The following STPG2 variants were observed in gnomAD, a reference collection of about 807,000 sequenced individuals.
The protein encoded by STPG2 is sperm-tail PG-rich repeat-containing protein 2.
A neutral mutation model predicts 54.2 loss-of-function variants in STPG2; 56 were observed. The observed-to-expected ratio is 1.03, with a 90% confidence interval of 0.83 to 1.29. The LOEUF (loss-of-function observed/expected upper bound fraction) is 1.29. Among genes scored for constraint, STPG2 ranks in the 50% most tolerant of loss-of-function variants. The probability of loss-of-function intolerance (pLI) is 0.00; values close to 1 mark genes in which losing one functional copy is unlikely to be tolerated. For missense variants in STPG2, 596 were observed against 544.9 expected, an observed-to-expected ratio of 1.09 and a Z score of -0.93; for synonymous variants, 200 against 181.8, an observed-to-expected ratio of 1.10 and a Z score of -0.81.
At chr4:97,645,702 A>G (rs776651021) in intron 10 of STPG2, among the ~76,000 whole-genome samples, 39 of 152,138 alleles carry the variant, frequency 2.6e-4, no homozygotes, top group Non-Finnish European at 5.1e-4. Flanking sequence ...AATGTGGAAG[A>G]CATCCTTCTC....
intron 10 of STPG2, among the ~76,000 whole-genome samples, chr4:97,623,130 A>C (rs1450393769): frequency 6.6e-6 from 1 of 152,180 alleles, no homozygotes; most frequent in Non-Finnish European, 1.5e-5. Context: ...TAGATTAAAG[A>C]CTTAAAAGTA....
intron 4 of STPG2, among the ~76,000 whole-genome samples, chr4:97,461,739 TC>T (rs35670705): frequency 6.6e-6 from 1 of 152,214 alleles, no homozygotes; most frequent in African/African-American, 2.4e-5. Flanking sequence ...ATGTTAACTT[TC>T]CATTTGCATA....
intron 9 of STPG2, among the ~76,000 whole-genome samples, chr4:97,817,067 T>C (rs1464867586): frequency 4.0e-5 from 6 of 149,476 alleles, no homozygotes; most frequent in African/African-American, 1.5e-4. Flanking sequence ...TAACAAAGAA[T>C]AGAAGTTAAA....
At chr4:97,893,850 C>T (rs1284489235) in intron 8 of STPG2, among the ~76,000 whole-genome samples, 3 of 151,954 alleles carry the variant, frequency 2.0e-5, no homozygotes, top group Non-Finnish European at 4.4e-5. Context: ...AATCTCTAGA[C>T]ACCTGTGTTA....
intron 4 of STPG2, among the ~76,000 whole-genome samples, chr4:97,519,157 G>C (rs1270920836): frequency 6.6e-6 from 1 of 152,050 alleles, no homozygotes; most frequent in Non-Finnish European, 1.5e-5. Flanking sequence ...ATACAGATGG[G>C]AGAAGTAATT....
chr4:97,797,459 T>C (rs1727234681), intron 9 of STPG2, among the ~76,000 whole-genome samples: 1 of 152,226 alleles, frequency 6.6e-6, no homozygotes, highest in South Asian at 2.1e-4. Context: ...GTGGTTTTTG[T>C]CTTTGGTTCT....
chr4:97,626,149 AATAAT>A (rs1734133293), intron 10 of STPG2, among the ~76,000 whole-genome samples: 1 of 152,170 alleles, frequency 6.6e-6, no homozygotes, highest in Admixed American at 6.5e-5. Context: ...CTTAATATAA[AATAAT>A]ATTTTTATTT....
At chr4:98,137,750 T>C (rs948719323) in intron 1 of STPG2, among the ~76,000 whole-genome samples, 6 of 151,744 alleles carry the variant, frequency 4.0e-5, no homozygotes, top group Non-Finnish European at 8.9e-5. Flanking sequence ...AAAAATACAC[T>C]AGCCATGTAC....
intron 5 of STPG2, among the ~76,000 whole-genome samples, chr4:97,998,476 T>C (rs886752096): frequency 7.9e-5 from 12 of 152,126 alleles, no homozygotes; most frequent in African/African-American, 2.4e-4. Flanking sequence ...CTAGAAATAC[T>C]ACATGCATCA....
In STPG2 at chr4:97,676,465, T is replaced by C. The variant is rs1479756566; in HGVS notation, c.1320+36234A>G. On this transcript the variant is annotated intron_variant, in intron 10 of 10. Coordinates refer to ENST00000295268, the MANE Select transcript of STPG2 (RefSeq NM_174952.3). ...TTGCCCAAACAAATTGATTTTCTTT[T>C]TCCGCATCTGAAACCTGTGTGATAC... Among the ~76,000 whole-genome samples the C allele has an allele frequency of 2.0e-5, 3 of 152,000 alleles. No individual in the cohort carries two copies. The East Asian group carries it at 5.8e-4, about 29-fold the overall frequency.
At chr4:98,044,995 T>C (rs1263703174) in intron 5 of STPG2, among the ~76,000 whole-genome samples, 1 of 152,032 alleles carries the variant, frequency 6.6e-6, no homozygotes, top group Non-Finnish European at 1.5e-5. Context: ...CCTCCAGTAC[T>C]AGCTGTTGTA....
chr4:97,875,810 A>G (rs564850686), intron 8 of STPG2, among the ~76,000 whole-genome samples: 2 of 152,136 alleles, frequency 1.3e-5, no homozygotes, highest in East Asian at 1.9e-4. Context: ...CTATTTTCCA[A>G]CATTATCTTC....
intron 4 of STPG2, among the ~76,000 whole-genome samples, chr4:97,477,482 T>TC (rs1440473054): frequency 6.8e-6 from 1 of 147,776 alleles, no homozygotes; most frequent in Non-Finnish European, 1.5e-5. Flanking sequence ...TTTTGTTTTT[T>TC]TTTTTTTTTT....
intron 5 of STPG2, among the ~76,000 whole-genome samples, chr4:98,015,032 TTC>T (rs764208568): frequency 2.6e-5 from 4 of 152,196 alleles, no homozygotes; most frequent in Non-Finnish European, 4.4e-5. Flanking sequence ...TACTTTCAAA[TTC>T]TCTTTGTTGT....
At chr4:97,695,244 C>G (rs558343203) in intron 10 of STPG2, among the ~76,000 whole-genome samples, 2 of 152,106 alleles carry the variant, frequency 1.3e-5, no homozygotes, top group South Asian at 4.2e-4. Flanking sequence ...AAACAAAAAT[C>G]AGATGATCAT....
intron 9 of STPG2, among the ~76,000 whole-genome samples, chr4:97,727,730 T>C (rs576093390): frequency 2.8e-4 from 43 of 151,654 alleles, no homozygotes; most frequent in African/African-American, 9.9e-4. Flanking sequence ...TCCTTTTTTT[T>C]TTTCACAATT....
intron 3 of STPG2, among the ~76,000 whole-genome samples, chr4:98,125,849 C>A (rs1288087069): frequency 6.6e-6 from 1 of 152,216 alleles, no homozygotes; most frequent in Non-Finnish European, 1.5e-5. Context: ...GAGTCCTGTC[C>A]ATAAACCCCT....
At position 97,540,261 on chromosome 4, in the gene STPG2, A is replaced by G. The variant is rs536500879; in HGVS notation, c.462+172438T>C. Reference sequence around the variant, plus strand: ...ATAAAGAAGAAAAGAGAGAAGAATCAAATAGATGCAATAAATAATGATAAA... The same window carrying G: ...ATAAAGAAGAAAAGAGAGAAGAATCGAATAGATGCAATAAATAATGATAAA... On this transcript the variant is annotated intron_variant, in intron 4 of 4. Coordinates refer to the STPG2 transcript ENST00000522676. Among the ~76,000 whole-genome samples the G allele has an allele frequency of 2.6e-5, 4 of 152,290 alleles. No individual in the cohort carries two copies. The South Asian group carries it at 8.3e-4, about 32-fold the overall frequency.
chr4:97,602,997 T>C (rs987207639), intron 10 of STPG2, among the ~76,000 whole-genome samples: 1 of 151,706 alleles, frequency 6.6e-6, no homozygotes, highest in Non-Finnish European at 1.5e-5. Flanking sequence ...TTTTAAAGCA[T>C]GCTTCAAAGA....
Sources: allele counts gnomAD v4.1 joint callset (sites outside exome capture counted in the v4.1 genomes callset), GRCh38; gene constraint gnomAD v4.1.1; transcripts MANE v1.5; gene names NCBI Gene and HGNC (gene_info 2026-07-23, HGNC 2026-07-21).